The following TBC1D19 variants were observed in gnomAD, a reference collection of about 807,000 sequenced individuals.
TBC1D19 encodes TBC1 domain family, member 19.
A neutral mutation model predicts 89.0 loss-of-function variants in TBC1D19; 60 were observed. The observed-to-expected ratio is 0.67, with a 90% CI of 0.55 to 0.84. The LOEUF (loss-of-function observed/expected upper bound fraction) is 0.84. TBC1D19 is among the 40% of genes least tolerant of loss of function. The pLI, the probability that TBC1D19 is intolerant of heterozygous loss-of-function variation, is 0.00. For synonymous variants in TBC1D19, 189 were observed against 199.7 expected (o/e 0.95, Z 0.45); for missense variants, 500 against 610.8 (o/e 0.82, Z 1.91).
the TBC1D19 span, among the ~76,000 whole-genome samples, chr4:26,847,613 G>A: frequency 2.6e-5 from 4 of 152,266 alleles, no homozygotes; most frequent in African/African-American, 7.2e-5. Flanking sequence ...ATCATGCAGG[G>A]GCCTGTTGAT....
chr4:26,755,061 A>G lies in TBC1D19; in HGVS notation c.*114A>G. On this transcript the variant is annotated 3_prime_UTR_variant, in exon 21 of 21. Coordinates refer to ENST00000264866, the MANE Select transcript of TBC1D19 (RefSeq NM_018317.4). ...CTTTGCATATAAGCCAATAAAGATC[A>G]TGTTCCCTCTTCAGTTAAACCTAAG... The G allele has an allele frequency of 1.1e-6, 1 of 905,120 alleles. No homozygotes were observed. Among genetic ancestry groups the G allele is most frequent in the South Asian group, 1.9e-5 (1 of 53,758 alleles). 56.1% of individuals were successfully genotyped at this position (905,120 alleles called of 1,614,324 possible).
chr4:26,843,164 T>C, the TBC1D19 span, among the ~76,000 whole-genome samples: 2 of 152,164 alleles, frequency 1.3e-5, no homozygotes, highest in Non-Finnish European at 2.9e-5. Flanking sequence ...ACATAAAACA[T>C]AACTGAAATT....
At chr4:26,626,574 C>T (rs1742417186) in intron 4 of TBC1D19, among the ~76,000 whole-genome samples, 3 of 152,042 alleles carry the variant, frequency 2.0e-5, no homozygotes, top group Admixed American at 2.0e-4. Context: ...AGCCTGGCTC[C>T]AGAATTTACA....
At chr4:26,720,628 A>G (rs1389954664) in intron 15 of TBC1D19, among the ~76,000 whole-genome samples, 1 of 152,122 alleles carries the variant, frequency 6.6e-6, no homozygotes, top group Non-Finnish European at 1.5e-5. Flanking sequence ...TATTCTTTTG[A>G]GATAACTAGA....
the TBC1D19 span, among the ~76,000 whole-genome samples, chr4:26,813,996 G>A: frequency 1.3e-5 from 2 of 152,114 alleles, no homozygotes; most frequent in African/African-American, 4.8e-5. Context: ...AGAGAGTGGA[G>A]AGCACCATCA....
At chr4:26,793,267 C>G in the TBC1D19 span, among the ~76,000 whole-genome samples, 1 of 152,138 alleles carries the variant, frequency 6.6e-6, no homozygotes, top group African/African-American at 2.4e-5. Context: ...AAAATGGCAC[C>G]AGGTGGTCTG....
chr4:26,769,244 G>A, the TBC1D19 span, among the ~76,000 whole-genome samples: 3 of 151,906 alleles, frequency 2.0e-5, no homozygotes, highest in Non-Finnish European at 4.4e-5. Context: ...ACACCTACAA[G>A]AGCTGAAAGA....
intron 3 of TBC1D19, among the ~76,000 whole-genome samples, chr4:26,615,071 A>G (rs2110019090): frequency 6.6e-6 from 1 of 152,300 alleles, no homozygotes; most frequent in Non-Finnish European, 1.5e-5. Context: ...ACTGAAGCTT[A>G]CTAATATTCT....
intron 4 of TBC1D19, among the ~76,000 whole-genome samples, chr4:26,635,223 G>T (rs1173989808): frequency 1.3e-5 from 2 of 151,976 alleles, no homozygotes; most frequent in Non-Finnish European, 2.9e-5. Context: ...CACCATTTGG[G>T]GTGGGAGGCA....
intron 16 of TBC1D19, among the ~76,000 whole-genome samples, chr4:26,735,688 C>T (rs1214464783): frequency 6.6e-6 from 1 of 151,824 alleles, no homozygotes; most frequent in African/African-American, 2.4e-5. Context: ...GAAAATTGAA[C>T]AAAAAGAACA....
At position 26,619,611 on chromosome 4, in the gene TBC1D19, A is replaced by T. The variant is rs554377099; in HGVS notation, c.219-1002A>T. Among the ~76,000 whole-genome samples, 5 of 152,374 alleles carry T rather than the reference A, an allele frequency of 3.3e-5. No homozygotes were observed. In the South Asian group the frequency reaches 1.0e-3, roughly 32 times the overall value. ...AGATAGTTTTTAAACTGTCTTACAT[A>T]TAAGACAAGAAATATCAAGGTATCT... On this transcript the variant is annotated intron_variant, in intron 3 of 20. Coordinates refer to ENST00000264866, the MANE Select transcript of TBC1D19 (RefSeq NM_018317.4).
chr4:26,722,693 A>C (rs116017365), intron 15 of TBC1D19, among the ~76,000 whole-genome samples: 7 of 152,324 alleles, frequency 4.6e-5, no homozygotes, highest in African/African-American at 1.4e-4. Flanking sequence ...AAATCTCGCT[A>C]TAGTAATAAT....
intron 3 of TBC1D19, among the ~76,000 whole-genome samples, chr4:26,615,558 G>A (rs1295983058): frequency 2.0e-5 from 3 of 151,666 alleles, no homozygotes; most frequent in African/African-American, 7.3e-5. Flanking sequence ...TTTGTTAACT[G>A]GGAAATGACA....
the TBC1D19 span, among the ~76,000 whole-genome samples, chr4:26,763,758 A>G: frequency 6.6e-6 from 1 of 152,258 alleles, no homozygotes; most frequent in Admixed American, 6.5e-5. Context: ...AAGATAAAAT[A>G]CATAAAAGTA....
intron 7 of TBC1D19, among the ~76,000 whole-genome samples, chr4:26,647,939 C>G (rs972812915): frequency 2.6e-5 from 4 of 152,014 alleles, no homozygotes; most frequent in Admixed American, 2.0e-4. Flanking sequence ...ATGTAACATA[C>G]TATTGATTTA....
chr4:26,683,731 G>A lies in TBC1D19; in HGVS notation c.873G>A (p.Val291=). 6.2e-7 allele frequency: 1 copy of A among 1,612,484 alleles called. No homozygotes were observed. Among genetic ancestry groups the A allele is most frequent in the South Asian group, 1.1e-5 (1 of 90,828 alleles). Residue 291 remains valine (V), a synonymous_variant, in exon 12 of 21, where the codon GTG becomes GTA. Transcript: ENST00000264866. ...KTNVIQHDLL[V]DSLIYKDVKL... ...ATGTGATACAACATGACCTTTTGGT[G>A]GACAGTCTAATCTATAAAGTAAGTA...
At chr4:26,732,877 T>C (rs556288097) in intron 15 of TBC1D19, among the ~76,000 whole-genome samples, 1 of 152,236 alleles carries the variant, frequency 6.6e-6, no homozygotes, top group South Asian at 2.1e-4. Context: ...ACATGAAATA[T>C]GAAGAACAGC....
chr4:26,654,143 G>T (rs369819579), intron 7 of TBC1D19, among the ~76,000 whole-genome samples: 11 of 152,166 alleles, frequency 7.2e-5, no homozygotes, highest in East Asian at 5.8e-4. Flanking sequence ...AGCTTAGTTT[G>T]TCTGGATATG....
At chr4:26,739,733 A>T (rs1390948609) in intron 16 of TBC1D19, 131 bp from the exon 17 acceptor site, 1 of 472,948 alleles carries the variant, frequency 2.1e-6, no homozygotes, top group Non-Finnish European at 3.6e-6. Flanking sequence ...GAAAAAAAGT[A>T]GTATGATTTT....
Sources: allele counts gnomAD v4.1 joint callset (sites outside exome capture counted in the v4.1 genomes callset), GRCh38; gene constraint gnomAD v4.1.1; transcripts MANE v1.5; gene names NCBI Gene and HGNC (gene_info 2026-07-23, HGNC 2026-07-21).